Variants in HS3ST5 observed in about 807,000 individuals in gnomAD.
HS3ST5 encodes heparan sulfate-glucosamine 3-sulfotransferase 5, also known as heparan sulfate glucosamine 3-O-sulfotransferase 5.
HS3ST5 carries 10 observed loss-of-function variants against 25.4 expected under a neutral mutation model. The ratio of observed to expected loss-of-function variants is 0.39; its 90% CI spans 0.24 to 0.67. The LOEUF (loss-of-function observed/expected upper bound fraction) is 0.67, where lower values mean the gene tolerates loss of function less well. Among genes scored for constraint, HS3ST5 ranks in the 30% least tolerant of loss-of-function variants. The pLI is 0.44. For missense variants in HS3ST5, 324 were observed against 420.7 expected (o/e 0.77, Z 2.01); for synonymous variants, 170 against 162.4 (o/e 1.05, Z -0.36).
chr6:114,163,334 C>A (rs936579328), intron 3 of HS3ST5, among the ~76,000 whole-genome samples: 1 of 152,094 alleles, frequency 6.6e-6, no homozygotes, highest in Non-Finnish European at 1.5e-5. Flanking sequence ...TACTAACTAT[C>A]TGAAAGTTCC....
chr6:114,106,697 T>C (rs966025887), intron 3 of HS3ST5, among the ~76,000 whole-genome samples: 2 of 152,110 alleles, frequency 1.3e-5, no homozygotes, highest in African/African-American at 4.8e-5. Flanking sequence ...ATACCATTAC[T>C]GAAATCACTT....
chr6:114,061,711 A>G (rs1773126608), intron 4 of HS3ST5, among the ~76,000 whole-genome samples: 1 of 152,202 alleles, frequency 6.6e-6, no homozygotes. Context: ...GCACTTTGGG[A>G]GGCCAAGGCA....
intron 1 of HS3ST5, among the ~76,000 whole-genome samples, chr6:114,273,115 A>C (rs1272280003): frequency 5.3e-5 from 8 of 152,112 alleles, no homozygotes; most frequent in African/African-American, 1.7e-4. Flanking sequence ...AAGGACAAAG[A>C]AAGATATGAA....
intron 1 of HS3ST5, among the ~76,000 whole-genome samples, chr6:114,318,407 A>T (rs1467784588): frequency 1.3e-5 from 2 of 151,890 alleles, no homozygotes; most frequent in African/African-American, 4.8e-5. Context: ...CCTCTCCCCT[A>T]TTCTCAGGGA....
chr6:114,200,216 T>TAAAAA (rs1554218497), intron 2 of HS3ST5, among the ~76,000 whole-genome samples: 1 of 152,056 alleles, frequency 6.6e-6, no homozygotes, highest in African/African-American at 2.4e-5. Context: ...AAACTTCAAC[T>TAAAAA]AAAAACAAAA....
intron 1 of HS3ST5, among the ~76,000 whole-genome samples, chr6:114,317,809 G>T (rs1455923128): frequency 4.3e-5 from 4 of 93,334 alleles, no homozygotes; most frequent in Admixed American, 1.2e-4. Context: ...GGGCGGGGGG[G>T]TAGGCTGGAG....
intron 2 of HS3ST5, among the ~76,000 whole-genome samples, chr6:114,226,942 A>C (rs1771327455): frequency 6.6e-6 from 1 of 151,966 alleles, no homozygotes; most frequent in African/African-American, 2.4e-5. Flanking sequence ...TCTGAAATTG[A>C]AATATTGCAG....
chr6:114,325,012 A>G (rs539996891), intron 1 of HS3ST5, among the ~76,000 whole-genome samples: 4 of 152,250 alleles, frequency 2.6e-5, no homozygotes, highest in Non-Finnish European at 5.9e-5. Context: ...ATCAGGAGAA[A>G]GAAACATTTA....
intron 3 of HS3ST5, among the ~76,000 whole-genome samples, chr6:114,081,519 G>A (rs1380115037): frequency 6.6e-6 from 1 of 152,188 alleles, no homozygotes; most frequent in East Asian, 1.9e-4. Context: ...GTTGTTAATA[G>A]TCTTACTCTC....
At chr6:114,330,696 G>A (rs1213310586) in intron 1 of HS3ST5, among the ~76,000 whole-genome samples, 1 of 151,942 alleles carries the variant, frequency 6.6e-6, no homozygotes, top group Non-Finnish European at 1.5e-5. Flanking sequence ...TTTCTACCTT[G>A]GAGAGCCAAG....
intron 2 of HS3ST5, among the ~76,000 whole-genome samples, chr6:114,195,091 C>T (rs1055640423): frequency 6.6e-6 from 1 of 152,108 alleles, no homozygotes; most frequent in African/African-American, 2.4e-5. Flanking sequence ...TTACACATTC[C>T]ACCACTTTAC....
chr6:114,073,920 G>T (rs182233934), intron 3 of HS3ST5, among the ~76,000 whole-genome samples: 3 of 152,284 alleles, frequency 2.0e-5, no homozygotes, highest in African/African-American at 7.2e-5. Flanking sequence ...TGGTAGACTG[G>T]ATAAAGAAAA....
At chr6:114,161,415 A>G (rs1250393246) in intron 3 of HS3ST5, among the ~76,000 whole-genome samples, 1 of 148,190 alleles carries the variant, frequency 6.7e-6, no homozygotes, top group Non-Finnish European at 1.5e-5. Context: ...ATTTTTAACA[A>G]TGCTAAGTGG....
Position 114,342,205 on chromosome 6 carries a change from G to T in HS3ST5, c.-349C>A. ...GCGCGCCTTGCTCACCGTGGTCCCC[G>T]GCGGTGGCGGCGCGGGCGGGAGCCT... On this transcript the variant is annotated 5_prime_UTR_variant, in exon 1 of 5. Coordinates refer to ENST00000312719, the MANE Select transcript of HS3ST5 (RefSeq NM_153612.4). 6.5e-6 allele frequency: 1 copy of T among 152,880 alleles called. No individual in the cohort carries two copies. Among genetic ancestry groups the T allele is most frequent in the South Asian group, 1.8e-4 (1 of 5,420 alleles). 9.5% of individuals were successfully genotyped at this position (152,880 alleles called of 1,614,324 possible). A position where few individuals can be genotyped will look rare whatever the true frequency, so the allele number is the denominator to read the frequency against.
At chr6:114,269,040 T>A (rs911356975) in intron 1 of HS3ST5, among the ~76,000 whole-genome samples, 3 of 152,212 alleles carry the variant, frequency 2.0e-5, no homozygotes, top group African/African-American at 7.2e-5. Context: ...ATTTTATGAT[T>A]CTAAAACAGT....
chr6:114,150,879 C>A (rs1778416904), intron 3 of HS3ST5, among the ~76,000 whole-genome samples: 1 of 152,170 alleles, frequency 6.6e-6, no homozygotes, highest in Non-Finnish European at 1.5e-5. Context: ...GTGTTTTGGA[C>A]ATTTTCAAAG....
intron 2 of HS3ST5, among the ~76,000 whole-genome samples, chr6:114,214,549 A>G (rs1313506622): frequency 2.0e-5 from 3 of 152,176 alleles, no homozygotes; most frequent in African/African-American, 7.2e-5. Flanking sequence ...TTAATTCCCA[A>G]TGTGTCCAGC....
At chr6:114,337,741 A>T (rs1008315114) in intron 1 of HS3ST5, among the ~76,000 whole-genome samples, 7 of 152,100 alleles carry the variant, frequency 4.6e-5, no homozygotes, top group Admixed American at 4.6e-4. Context: ...TTTGCTTTAC[A>T]TCTAACTTGC....
intron 2 of HS3ST5, among the ~76,000 whole-genome samples, chr6:114,174,723 G>A (rs1269507138): frequency 6.6e-6 from 1 of 152,038 alleles, no homozygotes; most frequent in Admixed American, 6.6e-5. Flanking sequence ...GGCCGGGCAC[G>A]GTGGCTCACT....
Sources: allele counts gnomAD v4.1 joint callset (sites outside exome capture counted in the v4.1 genomes callset), GRCh38; gene constraint gnomAD v4.1.1; transcripts MANE v1.5; gene names NCBI Gene and HGNC (gene_info 2026-07-23, HGNC 2026-07-21).